Variants in PTCHD4 observed in about 807,000 individuals in gnomAD.
PTCHD4 encodes patched domain-containing protein 4.
A neutral mutation model predicts 58.1 loss-of-function variants in PTCHD4; 33 were observed. The ratio of observed to expected loss-of-function variants is 0.57; its 90% CI spans 0.43 to 0.76. The LOEUF (loss-of-function observed/expected upper bound fraction) is 0.76, where lower values mean the gene tolerates loss of function less well. Among genes scored for constraint, PTCHD4 ranks in the 30% least tolerant of loss-of-function variants. The pLI is 0.00. For synonymous variants in PTCHD4, 478 were observed against 409.6 expected (o/e 1.17, Z -2.02); for missense variants, 1,058 against 1,027.1 (o/e 1.03, Z -0.41).
chr6:47,922,244 G>C lies in PTCHD4; in HGVS notation c.899-42308C>G, dbSNP rs75729411. Among the ~76,000 whole-genome samples, 14 of 152,284 alleles carry C rather than the reference G, an allele frequency of 9.2e-5. No individual in the cohort carries two copies. In the East Asian group the frequency reaches 2.5e-3, roughly 27 times the overall value. ...AATTTTCATTTTCAACTGAACACTA[G>C]TTTTAGGAGACTCCTTGAATACAAG... is the stretch of plus-strand genomic sequence containing the variant. On this transcript the variant is annotated intron_variant, in intron 4 of 4. Coordinates refer to ENST00000339488, the MANE Select transcript of PTCHD4 (RefSeq NM_001384253.1).
At chr6:48,018,975 A>G (rs534492882) in intron 3 of PTCHD4, among the ~76,000 whole-genome samples, 5 of 152,352 alleles carry the variant, frequency 3.3e-5, no homozygotes, top group East Asian at 3.9e-4. Context: ...AAAAGGCTCT[A>G]GTTTACAACC....
chr6:48,101,703 G>C (rs1383424069), intron 1 of PTCHD4, among the ~76,000 whole-genome samples: 2 of 152,122 alleles, frequency 1.3e-5, no homozygotes, highest in Non-Finnish European at 2.9e-5. Flanking sequence ...CCAGTCCTAT[G>C]TCATCATCAA....
At position 47,866,490 on chromosome 6, in the gene PTCHD4, A is replaced by G. The variant is rs1043165988; in HGVS notation, c.*11813T>C. Among the ~76,000 whole-genome samples the G allele has an allele frequency of 6.6e-6, 1 of 151,726 alleles. No homozygotes were observed. Among genetic ancestry groups the G allele is most frequent in the African/African-American group, 2.4e-5 (1 of 41,358 alleles). On this transcript the variant is annotated 3_prime_UTR_variant, in exon 5 of 5. Coordinates refer to ENST00000339488, the MANE Select transcript of PTCHD4 (RefSeq NM_001384253.1). ...GTCTCTTAGAGTGTGTTTGTTGACCATGGTCTCGTATGGCCACTTGGTTGT... is the reference window on the plus strand; with the variant it reads ...GTCTCTTAGAGTGTGTTTGTTGACCGTGGTCTCGTATGGCCACTTGGTTGT...
At chr6:48,078,793 G>A (rs774704805) in intron 1 of PTCHD4, among the ~76,000 whole-genome samples, 1 of 152,030 alleles carries the variant, frequency 6.6e-6, no homozygotes, top group Non-Finnish European at 1.5e-5. Context: ...GGAAGAACCA[G>A]AATATATTTC....
In PTCHD4 at chr6:47,876,944, G is replaced by C. The variant is rs1763864170; in HGVS notation, c.*1359C>G. 6.6e-6 allele frequency among the ~76,000 whole-genome samples: 1 copy of C among 151,990 alleles called. No individual in the cohort carries two copies. The highest frequency in any genetic ancestry group is 1.5e-5 in the Non-Finnish European group (1 of 67,946). ...GTGGAGAGCTGCGATCACCCTAGGA[G>C]GTGGGCCAACCGAGGAGCACTTTCC... On this transcript the variant is annotated 3_prime_UTR_variant, in exon 5 of 5. Transcript: ENST00000339488.
At chr6:47,890,936 T>C (rs1764358600) in intron 4 of PTCHD4, 4 of 977,380 alleles carry the variant, frequency 4.1e-6, no homozygotes, top group East Asian at 1.1e-4. Flanking sequence ...GGCCGTTCAC[T>C]GTGGCTCACA....
chr6:47,975,091 A>G (rs574515586), intron 4 of PTCHD4, among the ~76,000 whole-genome samples: 2 of 152,066 alleles, frequency 1.3e-5, no homozygotes, highest in African/African-American at 2.4e-5. Context: ...CCTCACTGGA[A>G]CTCCTTAAAA....
chr6:48,093,937 G>A (rs1459311044), intron 1 of PTCHD4, among the ~76,000 whole-genome samples: 1 of 152,152 alleles, frequency 6.6e-6, no homozygotes, highest in Non-Finnish European at 1.5e-5. Context: ...GCTGTCATTT[G>A]AGAGCTTGCA....
At position 47,872,499 on chromosome 6, in the gene PTCHD4, C is replaced by T. The variant is rs1581804703; in HGVS notation, c.*5804G>A. On this transcript the variant is annotated 3_prime_UTR_variant, in exon 5 of 5. Coordinates refer to ENST00000339488, the MANE Select transcript of PTCHD4 (RefSeq NM_001384253.1). The stretch of plus-strand genomic sequence containing the variant: ...CTAAAAACCTCAGCTCAGATAAGTG[C>T]AATGAAATCATACACAGCAGGAATC... Among the ~76,000 whole-genome samples the T allele has an allele frequency of 6.6e-6, 1 of 151,708 alleles. No homozygotes were observed. Among genetic ancestry groups the T allele is most frequent in the African/African-American group, 2.4e-5 (1 of 41,466 alleles).
At chr6:47,950,005 T>C (rs990762348) in intron 4 of PTCHD4, among the ~76,000 whole-genome samples, 1 of 151,772 alleles carries the variant, frequency 6.6e-6, no homozygotes, top group Non-Finnish European at 1.5e-5. Flanking sequence ...GCGTTAGGTA[T>C]ATCTCCTAAT....
At chr6:48,104,671 G>A (rs1378108388) in intron 1 of PTCHD4, among the ~76,000 whole-genome samples, 2 of 152,318 alleles carry the variant, frequency 1.3e-5, no homozygotes, top group East Asian at 1.9e-4. Flanking sequence ...TGGATAAAGA[G>A]TCAAGACCCA....
chr6:47,918,136 C>T (rs1765317183), intron 4 of PTCHD4, among the ~76,000 whole-genome samples: 1 of 152,090 alleles, frequency 6.6e-6, no homozygotes, highest in Non-Finnish European at 1.5e-5. Context: ...ATAGCAGCTG[C>T]AGAGGGCATT....
chr6:48,062,437 A>G (rs1261518723), intron 3 of PTCHD4, among the ~76,000 whole-genome samples: 1 of 152,146 alleles, frequency 6.6e-6, no homozygotes, highest in Admixed American at 6.5e-5. Flanking sequence ...AGAAGAATGG[A>G]GAGAACGCTT....
intron 1 of PTCHD4, among the ~76,000 whole-genome samples, chr6:48,075,837 G>T (rs1765055241): frequency 6.6e-6 from 1 of 152,220 alleles, no homozygotes; most frequent in African/African-American, 2.4e-5. Context: ...GTCGTGCCTT[G>T]ATGTTGATGG....
chr6:48,032,749 C>A (rs1582051116), intron 3 of PTCHD4, among the ~76,000 whole-genome samples: 1 of 152,034 alleles, frequency 6.6e-6, no homozygotes, highest in South Asian at 2.1e-4. Context: ...CTGTGGCATA[C>A]CAAGTTAGAA....
At chr6:48,030,916 C>T (rs1225833421) in intron 3 of PTCHD4, among the ~76,000 whole-genome samples, 3 of 152,014 alleles carry the variant, frequency 2.0e-5, no homozygotes, top group African/African-American at 7.2e-5. Context: ...TTCTCTATTA[C>T]GAAGTCCCAA....
intron 3 of PTCHD4, among the ~76,000 whole-genome samples, chr6:48,060,745 G>C (rs1325454177): frequency 6.6e-6 from 1 of 152,190 alleles, no homozygotes; most frequent in Admixed American, 6.5e-5. Context: ...AAAGTGTTGG[G>C]ATTGCAGGCG....
At chr6:48,062,764 T>C (rs976367388) in intron 3 of PTCHD4, among the ~76,000 whole-genome samples, 1 of 152,130 alleles carries the variant, frequency 6.6e-6, no homozygotes, top group African/African-American at 2.4e-5. Flanking sequence ...CACATGTACT[T>C]TACTCCAGAA....
chr6:47,881,421 G>A (rs1179225015), intron 4 of PTCHD4, among the ~76,000 whole-genome samples: 1 of 152,154 alleles, frequency 6.6e-6, no homozygotes, highest in Non-Finnish European at 1.5e-5. Flanking sequence ...CAATGTAACT[G>A]AAGGTCATCT....
Sources: allele counts gnomAD v4.1 joint callset (sites outside exome capture counted in the v4.1 genomes callset), GRCh38; gene constraint gnomAD v4.1.1; transcripts MANE v1.5; gene names NCBI Gene and HGNC (gene_info 2026-07-23, HGNC 2026-07-21).